Variants in NRDE2 observed in about 807,000 individuals in gnomAD.
The protein encoded by NRDE2 is NRDE-2, necessary for RNA interference, domain containing.
A neutral mutation model predicts 124.2 loss-of-function variants in NRDE2; 76 were observed. The observed-to-expected ratio is 0.61, with a 90% CI of 0.51 to 0.74. The LOEUF is 0.74. Among genes scored for constraint, NRDE2 ranks in the 30% least tolerant of loss-of-function variants. NRDE2 has a pLI of 0.00. For missense variants in NRDE2, 1,314 were observed against 1,417.3 expected, an observed-to-expected ratio of 0.93 and a Z score of 1.17; for synonymous variants, 489 against 528.1, an observed-to-expected ratio of 0.93 and a Z score of 1.01.
intron 5 of NRDE2, among the ~76,000 whole-genome samples, chr14:90,303,366 A>G (rs1007335106): frequency 6.6e-5 from 10 of 152,254 alleles, no homozygotes; most frequent in African/African-American, 2.4e-4. Flanking sequence ...TGCATCAATG[A>G]CTAGCATACA....
chr14:90,298,353 T>G lies in NRDE2; in HGVS notation c.1573A>C (p.Ser525Arg). Reference protein sequence around the residue: ...QVEFFEPFWDSGEPRAGEKGA... With the variant: ...QVEFFEPFWDRGEPRAGEKGA... ...TTCTCCCCAGCCCGGGGCTCTCCAC[T>G]GTCCCAAAAGGGTTCAAAGAATTCC... The change falls in exon 8 of 14, where the codon AGT becomes CGT. Residue 525 changes from serine (S) to arginine (R), a missense_variant. Physicochemically the swap from Ser to Arg is moderately radical, Grantham distance 110 (BLOSUM62 -1). Transcript: ENST00000354366. 3 of 1,613,776 alleles carry G rather than the reference T, an allele frequency of 1.9e-6. No individual in the cohort carries two copies. The highest frequency in any genetic ancestry group is 2.2e-5 in the South Asian group (2 of 91,086).
chr14:90,316,419 C>T (rs1885049511), intron 3 of NRDE2, among the ~76,000 whole-genome samples, 159 bp downstream of exon 3: 1 of 152,172 alleles, frequency 6.6e-6, no homozygotes, highest in Non-Finnish European at 1.5e-5. Context: ...AAATCGTGTC[C>T]CTAATTTTTC....
intron 12 of NRDE2, chr14:90,279,968 C>A (rs554562420): frequency 7.7e-4 from 118 of 152,596 alleles, no homozygotes; most frequent in Admixed American, 1.8e-3. Flanking sequence ...GGCCGGGGCA[C>A]AGCATCCAGC....
intron 3 of NRDE2, among the ~76,000 whole-genome samples, chr14:90,313,626 G>A (rs1364590706): frequency 1.3e-5 from 2 of 152,144 alleles, no homozygotes; most frequent in East Asian, 3.9e-4. Flanking sequence ...GGGAGGGAAG[G>A]TTTCTCTGGC....
In NRDE2 at chr14:90,290,263, C is replaced by T. The variant is rs1339334785; in HGVS notation, c.2187G>A (p.Lys729=). ...GTAACCAGGAGAAGCAGAGCTGGGA[C>T]TTCTCTTTGCCTGAAAATAAAGGCA... ...LVMPLFSGKE[K]SQLCFSWLQY... The change falls in exon 10 of 14, where the codon AAG becomes AAA. Residue 729 remains lysine, a synonymous_variant. Transcript: ENST00000354366. 23 of 1,614,074 alleles carry T rather than the reference C, an allele frequency of 1.4e-5. No homozygotes were observed. Among genetic ancestry groups the T allele is most frequent in the Non-Finnish European group, 1.6e-5 (19 of 1,180,032 alleles).
intron 9 of NRDE2, among the ~76,000 whole-genome samples, chr14:90,291,699 T>C (rs541725400): frequency 6.6e-6 from 1 of 152,300 alleles, no homozygotes; most frequent in South Asian, 2.1e-4. Context: ...AGAGATCACC[T>C]CTGTCTCTAT....
intron 10 of NRDE2, 62 bp from the exon 11 acceptor site, chr14:90,289,207 A>C: frequency 7.3e-7 from 1 of 1,379,310 alleles, no homozygotes; most frequent in South Asian, 1.4e-5. Context: ...CTCTGCTGCC[A>C]ACTGTAGAAA....
In NRDE2 at chr14:90,279,057, C is replaced by T; in HGVS notation, c.3369+5G>A. ...GCTGAAGACACCATGGCCTTTAACA[C>T]TTACCTTTGCCCAAGGGCAATTCTG... On this transcript the variant is annotated splice_donor_5th_base_variant and intron_variant, in intron 13 of 13. Coordinates refer to ENST00000354366, the MANE Select transcript of NRDE2 (RefSeq NM_017970.4). 2 of 1,604,878 alleles carry T rather than the reference C, an allele frequency of 1.2e-6. No homozygotes were observed. The highest frequency in any genetic ancestry group is 1.7e-6 in the Non-Finnish European group (2 of 1,171,412).
At chr14:90,321,670 G>C (rs535411985) in intron 1 of NRDE2, among the ~76,000 whole-genome samples, 1 of 152,042 alleles carries the variant, frequency 6.6e-6, no homozygotes, top group Non-Finnish European at 1.5e-5. Flanking sequence ...GGAGCAAAAG[G>C]TATTTTCATC....
intron 5 of NRDE2, 83 bp downstream of exon 5, chr14:90,303,851 TC>T: frequency 2.4e-6 from 3 of 1,247,934 alleles, no homozygotes; most frequent in Non-Finnish European, 2.2e-6. Context: ...CCTCATTTGC[TC>T]AAAAATTGCT....
intron 4 of NRDE2, among the ~76,000 whole-genome samples, chr14:90,310,535 T>C (rs1246614233): frequency 6.6e-6 from 1 of 150,920 alleles, no homozygotes; most frequent in Non-Finnish European, 1.5e-5. Context: ...TTTTTTTTTT[T>C]TTTGAGACAG....
intron 3 of NRDE2, among the ~76,000 whole-genome samples, chr14:90,314,997 A>G (rs145066952): frequency 6.6e-6 from 1 of 151,438 alleles, no homozygotes; most frequent in East Asian, 1.9e-4. Context: ...GCCAACATGG[A>G]AAAACCCCGT....
rs1363065947 is a variant in NRDE2 at position 90,275,343 on chromosome 14, T to C, written c.*2993A>G. On this transcript the variant is annotated 3_prime_UTR_variant, in exon 14 of 14. Transcript: ENST00000354366. ...GGGCGGGTAGCAGACTCTCAGCAAC[T>C]GACTCACACGGTTCAGGAAACAAAA... 6.6e-6 allele frequency: 1 copy of C among 152,188 alleles called. No homozygotes were observed. Among genetic ancestry groups the C allele is most frequent in the African/African-American group, 2.4e-5 (1 of 41,450 alleles). The allele number at this position is 152,188 out of a possible 1,614,324, so 9.4% of individuals were successfully genotyped here. A position where few individuals can be genotyped will look rare whatever the true frequency, so the allele number is the denominator to read the frequency against.
In NRDE2 at chr14:90,278,480, G is replaced by C; in HGVS notation, c.3370-19C>G. 1 of 1,612,374 alleles carries C rather than the reference G, an allele frequency of 6.2e-7. No homozygotes were observed. The highest frequency in any genetic ancestry group is 8.5e-7 in the Non-Finnish European group (1 of 1,179,008). ...ACAACACCTAGGGGGCAGGCAGGAA[G>C]GCCGCCCCACTCAGCCGCCACTTCC... On this transcript the variant is annotated intron_variant, in intron 13 of 13. Coordinates refer to ENST00000354366, the MANE Select transcript of NRDE2 (RefSeq NM_017970.4).
At chr14:90,295,756 T>C (rs557914568) in intron 8 of NRDE2, among the ~76,000 whole-genome samples, 2 of 152,300 alleles carry the variant, frequency 1.3e-5, no homozygotes, top group South Asian at 4.1e-4. Context: ...AAAACAAAAA[T>C]TGTTATCAAT....
At position 90,271,195 on chromosome 14, in the gene NRDE2, C is replaced by T. The variant is rs1034852554; in HGVS notation, c.*7141G>A. 6.6e-5 allele frequency: 10 copies of T among 152,130 alleles called. No homozygotes were observed. Among genetic ancestry groups the T allele is most frequent in the Non-Finnish European group, 1.3e-4 (9 of 68,032 alleles). The allele number at this position is 152,130 out of a possible 1,614,324, so 9.4% of individuals were successfully genotyped here. On this transcript the variant is annotated 3_prime_UTR_variant, in exon 14 of 14. Transcript: ENST00000354366. ...CTATACACAAAACTTTCTTTTCACCCGAACCATTTGAAGTAAATAACCTGA... is the reference window on the plus strand; with the variant it reads ...CTATACACAAAACTTTCTTTTCACCTGAACCATTTGAAGTAAATAACCTGA...
rs1491397403 is a variant in NRDE2, at chr14:90,274,838, A to ACACACACACACACC, written c.*3497_*3498insGGTGTGTGTGTGTG. 19 of 67,214 alleles carry ACACACACACACACC rather than the reference A, an allele frequency of 2.8e-4. No individual in the cohort carries two copies. The highest frequency in any genetic ancestry group is 6.8e-4 in the East Asian group (2 of 2,958). 4.2% of individuals were successfully genotyped at this position (67,214 alleles called of 1,614,324 possible). A position where few individuals can be genotyped will look rare whatever the true frequency, so the allele number is the denominator to read the frequency against. On this transcript the variant is annotated 3_prime_UTR_variant, in exon 14 of 14. Transcript: ENST00000354366. Reference sequence around the variant, plus strand: ...CACACACACACACACACACACACACACCCCAATACATATGAATTGATCTGA... The same window carrying ACACACACACACACC: ...CACACACACACACACACACACACACACACACACACACACCCCCCAATACATATGAATTGATCTGA...
intron 1 of NRDE2, among the ~76,000 whole-genome samples, chr14:90,320,976 T>G (rs1188167843): frequency 6.6e-6 from 1 of 152,142 alleles, no homozygotes; most frequent in Non-Finnish European, 1.5e-5. Flanking sequence ...TGGGCCTAAT[T>G]CCTGGCAAAA....
At chr14:90,288,079 C>T (rs891094205) in intron 11 of NRDE2, 138 bp downstream of exon 11, 1 of 757,668 alleles carries the variant, frequency 1.3e-6, no homozygotes. Flanking sequence ...TCCTATGACA[C>T]CTACAGCCCC....
Sources: allele counts gnomAD v4.1 joint callset (sites outside exome capture counted in the v4.1 genomes callset), GRCh38; gene constraint gnomAD v4.1.1; transcripts MANE v1.5; gene names NCBI Gene and HGNC (gene_info 2026-07-23, HGNC 2026-07-21).